Variants in PPP1R9A observed in about 807,000 individuals in gnomAD.
PPP1R9A encodes the protein protein phosphatase 1 regulatory subunit 9A.
In PPP1R9A, 59 loss-of-function variants were observed where a neutral mutation model predicts 141.9. The observed-to-expected ratio is 0.42, with a 90% CI of 0.34 to 0.52. PPP1R9A has a LOEUF of 0.52. Ranked by LOEUF, PPP1R9A falls within the 20% of genes least tolerant of loss-of-function variation. The probability of loss-of-function intolerance (pLI) is 0.10; values close to 1 mark genes in which losing one functional copy is unlikely to be tolerated. For missense variants in PPP1R9A, 1,444 were observed against 1,611.9 expected (o/e 0.90, Z 1.78); for synonymous variants, 500 against 569.7 (o/e 0.88, Z 1.74).
intron 2 of PPP1R9A, among the ~76,000 whole-genome samples, chr7:94,951,493 TATAATC>T (rs1440079693): frequency 6.6e-6 from 1 of 152,162 alleles, no homozygotes. Context: ...TCTATATAGA[TATAATC>T]ATATAAGATT....
chr7:95,001,502 G>T (rs1405243225), intron 2 of PPP1R9A, among the ~76,000 whole-genome samples: 1 of 152,134 alleles, frequency 6.6e-6, no homozygotes. Flanking sequence ...ACACTAAGAA[G>T]TATGTTCTGA....
At chr7:95,216,178 G>C (rs908837396) in intron 7 of PPP1R9A, among the ~76,000 whole-genome samples, 2 of 152,156 alleles carry the variant, frequency 1.3e-5, no homozygotes, top group African/African-American at 4.8e-5. Context: ...TCCAGTTTCA[G>C]CTTTCTACAT....
chr7:94,940,485 G>C (rs529843212), intron 2 of PPP1R9A, among the ~76,000 whole-genome samples: 1 of 151,710 alleles, frequency 6.6e-6, no homozygotes, highest in African/African-American at 2.4e-5. Flanking sequence ...CACTAGATCT[G>C]TGAGCCAAAG....
chr7:95,191,409 G>A (rs1179049762), intron 5 of PPP1R9A, among the ~76,000 whole-genome samples: 1 of 152,092 alleles, frequency 6.6e-6, no homozygotes, highest in African/African-American at 2.4e-5. Context: ...AATGTATAGT[G>A]ATCATATCAT....
Position 94,993,860 on chromosome 7 carries a change from G to A in PPP1R9A, c.1395+82352G>A, listed in dbSNP as rs1204800540. Among the ~76,000 whole-genome samples the A allele has an allele frequency of 3.9e-5, 6 of 152,154 alleles. No individual in the cohort carries two copies. In the Middle Eastern group the frequency reaches 0.01, roughly 259 times the overall value. ...TTACATCTTCCTTTTCTCTTTGCTC[G>A]AGTTACTGAACTGGCTAAAGCCTCC... On this transcript the variant is annotated intron_variant, in intron 2 of 19. Transcript: ENST00000433360.
chr7:95,053,623 T>G (rs1001716919), intron 2 of PPP1R9A, among the ~76,000 whole-genome samples: 9 of 152,218 alleles, frequency 5.9e-5, no homozygotes, highest in African/African-American at 1.7e-4. Context: ...AGTCCAATAC[T>G]CAATTTTGGA....
At chr7:95,249,657 T>C (rs973355854) in intron 9 of PPP1R9A, among the ~76,000 whole-genome samples, 1 of 152,050 alleles carries the variant, frequency 6.6e-6, no homozygotes, top group Admixed American at 6.6e-5. Context: ...ATTTTTTATA[T>C]ATAATTATAT....
At chr7:95,055,731 G>T (rs1198938551) in intron 2 of PPP1R9A, among the ~76,000 whole-genome samples, 1 of 151,718 alleles carries the variant, frequency 6.6e-6, no homozygotes, top group Non-Finnish European at 1.5e-5. Flanking sequence ...TTTTTCTTTT[G>T]TCTCTCATTC....
At position 95,247,536 on chromosome 7, in the gene PPP1R9A, G is replaced by A. The variant is rs372207419; in HGVS notation, c.2166+10G>A. 104 of 1,594,368 alleles carry A rather than the reference G, an allele frequency of 6.5e-5. No individual in the cohort carries two copies. Among genetic ancestry groups the A allele is most frequent in the African/African-American group, 4.0e-4 (30 of 74,322 alleles). The stretch of plus-strand genomic sequence containing the variant: ...AAAATTGAAGACCAAGGTAAGCACC[G>A]AAACATGGTGTTTGAATTTTACTTT... On this transcript the variant is annotated intron_variant, in intron 9 of 19. Coordinates refer to ENST00000433360, the MANE Select transcript of PPP1R9A (RefSeq NM_001166160.2).
chr7:95,174,048 A>G (rs1044326619), intron 5 of PPP1R9A, among the ~76,000 whole-genome samples: 3 of 152,148 alleles, frequency 2.0e-5, no homozygotes, highest in Non-Finnish European at 4.4e-5. Flanking sequence ...ATATATTTAT[A>G]TAAAGACTCA....
chr7:95,077,178 T>A (rs938152893), intron 2 of PPP1R9A, among the ~76,000 whole-genome samples: 5 of 152,198 alleles, frequency 3.3e-5, no homozygotes, highest in Admixed American at 2.0e-4. Flanking sequence ...ATGAGATAAA[T>A]GTTTGCTCTT....
intron 4 of PPP1R9A, among the ~76,000 whole-genome samples, chr7:95,153,834 A>G (rs1563322522): frequency 6.6e-6 from 1 of 152,210 alleles, no homozygotes. Context: ...GATCTGTTCC[A>G]GTTTTTTATT....
intron 7 of PPP1R9A, among the ~76,000 whole-genome samples, chr7:95,216,741 A>G (rs1793503476): frequency 6.6e-6 from 1 of 152,088 alleles, no homozygotes; most frequent in Non-Finnish European, 1.5e-5. Flanking sequence ...TGTGAAAGGG[A>G]GTTCACTCAT....
At chr7:94,976,983 A>G (rs1235240783) in intron 2 of PPP1R9A, among the ~76,000 whole-genome samples, 1 of 152,142 alleles carries the variant, frequency 6.6e-6, no homozygotes, top group African/African-American at 2.4e-5. Flanking sequence ...GGTAGATCCA[A>G]CTTGGCTAAC....
intron 4 of PPP1R9A, among the ~76,000 whole-genome samples, chr7:95,136,701 T>A (rs1222033147): frequency 6.6e-6 from 1 of 152,206 alleles, no homozygotes; most frequent in Non-Finnish European, 1.5e-5. Flanking sequence ...TTCCTAATAT[T>A]TGACATCCTA....
At chr7:95,117,678 A>G (rs1374478485) in intron 3 of PPP1R9A, among the ~76,000 whole-genome samples, 1 of 152,164 alleles carries the variant, frequency 6.6e-6, no homozygotes, top group Non-Finnish European at 1.5e-5. Context: ...ATGGTGTGAC[A>G]GTATGGAGAT....
At chr7:95,044,633 C>G (rs1809741583) in intron 2 of PPP1R9A, among the ~76,000 whole-genome samples, 1 of 147,800 alleles carries the variant, frequency 6.8e-6, no homozygotes, top group Non-Finnish European at 1.5e-5. Flanking sequence ...CAGCCTCAAA[C>G]TCCTGGGCTC....
intron 2 of PPP1R9A, among the ~76,000 whole-genome samples, chr7:94,967,858 A>G (rs965433991): frequency 4.6e-5 from 7 of 152,130 alleles, no homozygotes; most frequent in East Asian, 1.9e-4. Flanking sequence ...AATAAGTGCA[A>G]TGTGGTTCTG....
At chr7:95,020,121 T>A (rs992236558) in intron 2 of PPP1R9A, among the ~76,000 whole-genome samples, 11 of 152,030 alleles carry the variant, frequency 7.2e-5, no homozygotes, top group Non-Finnish European at 1.0e-4. Flanking sequence ...AATAGAGAAA[T>A]ATTTATTATA....
Sources: gnomAD v4.1 joint callset for allele counts (sites outside exome capture counted in the v4.1 genomes callset) on GRCh38, gnomAD v4.1.1 for gene constraint, MANE v1.5 for transcripts, NCBI Gene and HGNC (gene_info 2026-07-23, HGNC 2026-07-21) for gene names.